The following RHOU variants were observed in gnomAD, a reference collection of about 807,000 sequenced individuals.
RHOU encodes rho-related GTP-binding protein RhoU.
In RHOU, 8 loss-of-function variants were observed where a neutral mutation model predicts 12.6. That is an observed-to-expected ratio of 0.64 (90% confidence interval 0.37 to 1.15). The LOEUF (loss-of-function observed/expected upper bound fraction) is 1.15. Among genes scored for constraint, RHOU ranks in the 50% most tolerant of loss-of-function variants. The probability of loss-of-function intolerance (pLI) is 0.01; values close to 1 mark genes in which losing one functional copy is unlikely to be tolerated. For missense variants in RHOU, 258 were observed against 347.0 expected, an observed-to-expected ratio of 0.74 and a Z score of 2.04; for synonymous variants, 161 against 147.4, an observed-to-expected ratio of 1.09 and a Z score of -0.67.
the RHOU span, among the ~76,000 whole-genome samples, chr1:228,659,656 G>A: frequency 6.6e-6 from 1 of 151,754 alleles, no homozygotes; most frequent in Non-Finnish European, 1.5e-5. Flanking sequence ...AATCAGAAAT[G>A]GAATTGGGGA....
At chr1:228,730,077 T>C in the RHOU span, among the ~76,000 whole-genome samples, 9 of 152,208 alleles carry the variant, frequency 5.9e-5, no homozygotes, top group Non-Finnish European at 8.8e-5. Context: ...CATTTTTTTT[T>C]CCTAGGATGA....
the RHOU span, among the ~76,000 whole-genome samples, chr1:228,673,501 G>A: frequency 6.6e-6 from 1 of 152,130 alleles, no homozygotes; most frequent in Non-Finnish European, 1.5e-5. Flanking sequence ...CCCCAGTATC[G>A]GAGGAGGGAC....
At chr1:228,719,523 A>G in the RHOU span, among the ~76,000 whole-genome samples, 2 of 152,174 alleles carry the variant, frequency 1.3e-5, no homozygotes, top group Non-Finnish European at 2.9e-5. Context: ...TGAGGTCTGG[A>G]GTTCGAGACC....
chr1:228,710,891 T>G, the RHOU span, among the ~76,000 whole-genome samples: 1 of 152,160 alleles, frequency 6.6e-6, no homozygotes, highest in Non-Finnish European at 1.5e-5. Context: ...GCAGACGACA[T>G]GATTGTATAT....
chr1:228,679,568 C>T, the RHOU span, among the ~76,000 whole-genome samples: 5 of 151,838 alleles, frequency 3.3e-5, no homozygotes, highest in South Asian at 8.4e-4. Flanking sequence ...GTTGATAAGG[C>T]GCAGATCCTG....
At chr1:228,726,905 A>G in the RHOU span, among the ~76,000 whole-genome samples, 3 of 152,198 alleles carry the variant, frequency 2.0e-5, no homozygotes, top group Non-Finnish European at 4.4e-5. Flanking sequence ...AGATTGTGCT[A>G]AAGTCTTCTC....
chr1:228,646,754 G>C, the RHOU span, among the ~76,000 whole-genome samples: 5 of 151,984 alleles, frequency 3.3e-5, no homozygotes, highest in African/African-American at 1.2e-4. Flanking sequence ...AGACACACCC[G>C]TTCGTTCTCG....
At chr1:228,674,665 C>A in the RHOU span, among the ~76,000 whole-genome samples, 2 of 150,792 alleles carry the variant, frequency 1.3e-5, no homozygotes, top group African/African-American at 4.9e-5. Context: ...CCTTTTGTAC[C>A]CGCTAATAAA....
chr1:228,734,895 G>A (rs796627925), upstream of RHOU, among the ~76,000 whole-genome samples: 2 of 152,282 alleles, frequency 1.3e-5, no homozygotes, highest in African/African-American at 4.8e-5. Flanking sequence ...CATGCCGAAA[G>A]ACAAAGTCAA....
At chr1:228,709,729 C>T in the RHOU span, among the ~76,000 whole-genome samples, 19 of 150,920 alleles carry the variant, frequency 1.3e-4, no homozygotes, top group African/African-American at 4.1e-4. Context: ...AATTGACACC[C>T]TAACATCACA....
At chr1:228,650,618 G>C in the RHOU span, 2 of 445,986 alleles carry the variant, frequency 4.5e-6, no homozygotes, top group Admixed American at 5.6e-5. Flanking sequence ...CTCAAAGGGG[G>C]ATATGAGACC....
chr1:228,664,690 A>G, the RHOU span, among the ~76,000 whole-genome samples: 4 of 152,022 alleles, frequency 2.6e-5, no homozygotes, highest in Non-Finnish European at 5.9e-5. Context: ...CTGGAGTGCA[A>G]TGGCGCAATC....
chr1:228,735,817 C>T lies in RHOU; in HGVS notation c.75C>T (p.Arg25=). ...EAPPVPPRRE[R]GGRGGRGPGE... ...CTCCGGTGCCGCCGCGTCGGGAGCG[C>T]GGTGGACGCGGGGGACGCGGGCCTG... Residue 25 remains arginine (R), a synonymous_variant, in exon 1 of 3, where the codon CGC becomes CGT. Coordinates refer to ENST00000366691, the MANE Select transcript of RHOU (RefSeq NM_021205.6). The surrounding 1 kb of genome is among the most constrained non-coding windows in gnomAD (Gnocchi z 8.1). The T allele has an allele frequency of 8.2e-7, 1 of 1,223,152 alleles. No individual in the cohort carries two copies. The highest frequency in any genetic ancestry group is 1.0e-6 in the Non-Finnish European group (1 of 983,306). 75.8% of individuals were successfully genotyped at this position (1,223,152 alleles called of 1,614,324 possible). A position where few individuals can be genotyped will look rare whatever the true frequency, so the allele number is the denominator to read the frequency against.
chr1:228,672,532 G>A, the RHOU span, among the ~76,000 whole-genome samples: 7 of 152,196 alleles, frequency 4.6e-5, no homozygotes, highest in East Asian at 3.9e-4. Flanking sequence ...ATTTGAAGTC[G>A]GAATTTAGGT....
chr1:228,735,728 C>A lies in RHOU; in HGVS notation c.-15C>A. 1.7e-6 allele frequency: 2 copies of A among 1,202,846 alleles called. No homozygotes were observed. Among genetic ancestry groups the A allele is most frequent in the South Asian group, 4.1e-5 (1 of 24,116 alleles). The allele number at this position is 1,202,846 out of a possible 1,614,324, so 74.5% of individuals were successfully genotyped here. Reference sequence around the variant, plus strand: ...CCCTGCTAGCCCGCGACCGCAAGCCCGCGCTCGCGGATCGATGCCCCCGCA... The same window carrying A: ...CCCTGCTAGCCCGCGACCGCAAGCCAGCGCTCGCGGATCGATGCCCCCGCA... On this transcript the variant is annotated 5_prime_UTR_variant, in exon 1 of 3. Coordinates refer to ENST00000366691, the MANE Select transcript of RHOU (RefSeq NM_021205.6). This position sits in a 1 kb window ranked among gnomAD's most constrained non-coding sequence, Gnocchi z 8.1.
At chr1:228,661,290 C>G in the RHOU span, among the ~76,000 whole-genome samples, 2 of 152,158 alleles carry the variant, frequency 1.3e-5, no homozygotes, top group Non-Finnish European at 2.9e-5. Flanking sequence ...AATGCCATCC[C>G]CATCAAGCTA....
At chr1:228,659,392 A>C in the RHOU span, among the ~76,000 whole-genome samples, 1 of 152,078 alleles carries the variant, frequency 6.6e-6, no homozygotes, top group Non-Finnish European at 1.5e-5. Context: ...AACAAAACAA[A>C]ACAAAACAAA....
the RHOU span, among the ~76,000 whole-genome samples, chr1:228,696,026 A>G: frequency 6.6e-6 from 1 of 152,246 alleles, no homozygotes; most frequent in Non-Finnish European, 1.5e-5. Context: ...TTTACGAATT[A>G]TATGCCAAGA....
chr1:228,660,031 G>A, the RHOU span, among the ~76,000 whole-genome samples: 1 of 151,744 alleles, frequency 6.6e-6, no homozygotes, highest in Non-Finnish European at 1.5e-5. Context: ...GCAAAAGCCT[G>A]TTGTCCCAGC....
Sources: gnomAD v4.1 joint callset for allele counts (sites outside exome capture counted in the v4.1 genomes callset) on GRCh38, gnomAD v4.1.1 for gene constraint, Gnocchi (gnomAD v3.1) non-coding constraint, MANE v1.5 for transcripts, NCBI Gene and HGNC (gene_info 2026-07-23, HGNC 2026-07-21) for gene names.